The following KIRREL3 variants were observed in gnomAD, a reference collection of about 807,000 sequenced individuals.
The protein encoded by KIRREL3 is kin of IRRE-like protein 3.
In KIRREL3, 36 loss-of-function variants were observed where a neutral mutation model predicts 89.7. That is an observed-to-expected ratio of 0.40 (90% confidence interval 0.31 to 0.53). The LOEUF (loss-of-function observed/expected upper bound fraction) is 0.53. KIRREL3 is among the 20% of genes least tolerant of loss of function. The pLI, the probability that KIRREL3 is intolerant of heterozygous loss-of-function variation, is 0.49. For synonymous variants in KIRREL3, 445 were observed against 441.4 expected, an observed-to-expected ratio of 1.01 and a Z score of -0.10; for missense variants, 864 against 1,056.6, an observed-to-expected ratio of 0.82 and a Z score of 2.53.
At chr11:126,473,959 A>G (rs1381518485) in intron 4 of KIRREL3, among the ~76,000 whole-genome samples, 2 of 104,986 alleles carry the variant, frequency 1.9e-5, no homozygotes, top group East Asian at 2.5e-4. Flanking sequence ...ATGCCCGGCT[A>G]ATTTTTTTTT....
chr11:126,812,732 CT>C lies in KIRREL3; in HGVS notation c.55+187722del, dbSNP rs1951431304. Among the ~76,000 whole-genome samples the C allele has an allele frequency of 6.6e-6, 1 of 152,228 alleles. No individual in the cohort carries two copies. Among genetic ancestry groups the C allele is most frequent in the Non-Finnish European group, 1.5e-5 (1 of 68,046 alleles). On this transcript the variant is annotated intron_variant, in intron 1 of 16. Coordinates refer to ENST00000525144, the MANE Select transcript of KIRREL3 (RefSeq NM_032531.4). This position sits in a 1 kb window ranked among gnomAD's most constrained non-coding sequence, Gnocchi z 5.2. ...TGTTGGGATGAGTGGCTCTGTCACT[CT>C]TTCACTGAGACCAAGGCTCAGGCAA...
rs537166439 is a variant in KIRREL3 at position 126,490,882 on chromosome 11, G to T, written c.434-17416C>A. ...CCACTGCTTCCTTCTGGAGTGCAAG[G>T]TCAGGCAGGGATGCTCATTTGCTCT... is the stretch of plus-strand genomic sequence containing the variant. On this transcript the variant is annotated intron_variant, in intron 4 of 16. Coordinates refer to ENST00000525144, the MANE Select transcript of KIRREL3 (RefSeq NM_032531.4). The surrounding 1 kb of genome is among the most constrained non-coding windows in gnomAD (Gnocchi z 4.2). 9.2e-5 allele frequency among the ~76,000 whole-genome samples: 14 copies of T among 152,280 alleles called. No individual in the cohort carries two copies. Among genetic ancestry groups the T allele is most frequent in the Middle Eastern group, 3.4e-3 (1 of 294 alleles).
rs1947704203 is a variant in KIRREL3 at position 126,710,223 on chromosome 11, A to C, written c.56-147311T>G. ...GTCCACAGGCAGCAGGGCCCTGACC[A>C]ACAGGTGGCTTCTCGGAGCAGTGCC... On this transcript the variant is annotated intron_variant, in intron 1 of 16. Coordinates refer to ENST00000525144, the MANE Select transcript of KIRREL3 (RefSeq NM_032531.4). This position sits in a 1 kb window ranked among gnomAD's most constrained non-coding sequence, Gnocchi z 4.2. Among the ~76,000 whole-genome samples the C allele has an allele frequency of 6.6e-6, 1 of 152,160 alleles. No homozygotes were observed. Among genetic ancestry groups the C allele is most frequent in the African/African-American group, 2.4e-5 (1 of 41,464 alleles).
upstream of KIRREL3, chr11:127,002,904 A>T (rs368023438): frequency 6.6e-6 from 1 of 152,074 alleles, no homozygotes; most frequent in Non-Finnish European, 1.5e-5. Flanking sequence ...TGCACTCCAC[A>T]CTCGCACTGA....
chr11:126,836,242 T>C (rs926331159), intron 1 of KIRREL3, among the ~76,000 whole-genome samples: 1 of 152,230 alleles, frequency 6.6e-6, no homozygotes, highest in Non-Finnish European at 1.5e-5. Flanking sequence ...GCAGTTGATG[T>C]CAGAAGTAAT....
rs1282167098 is a variant in KIRREL3, at chr11:126,978,340, C to G, written c.55+22115G>C. Among the ~76,000 whole-genome samples, 1 of 152,162 alleles carries G rather than the reference C, an allele frequency of 6.6e-6. No homozygotes were observed. The highest frequency in any genetic ancestry group is 1.5e-5 in the Non-Finnish European group (1 of 68,044). On this transcript the variant is annotated intron_variant, in intron 1 of 16. Coordinates refer to ENST00000525144, the MANE Select transcript of KIRREL3 (RefSeq NM_032531.4). This position sits in a 1 kb window ranked among gnomAD's most constrained non-coding sequence, Gnocchi z 4.2. ...TCTTCACCTTCCCTTCAAACTTTAG[C>G]CAATTAGGTTTCCTCCATTCTTATG...
intron 1 of KIRREL3, among the ~76,000 whole-genome samples, chr11:126,600,703 T>A (rs1007015650): frequency 7.2e-5 from 11 of 152,208 alleles, no homozygotes; most frequent in African/African-American, 1.9e-4. Context: ...ATGAGATGAT[T>A]CCTGGTTTCT....
In KIRREL3 at chr11:126,761,213, C is replaced by T. The variant is rs1451270252; in HGVS notation, c.56-198301G>A. ...GGAAGATATGGTGTTGGCAGGGACT[C>T]GGGACCCTGCAAGACCCAGTGGGAA... is the stretch of plus-strand genomic sequence containing the variant. On this transcript the variant is annotated intron_variant, in intron 1 of 16. Transcript: ENST00000525144. This position sits in a 1 kb window ranked among gnomAD's most constrained non-coding sequence, Gnocchi z 4.4. Among the ~76,000 whole-genome samples the T allele has an allele frequency of 2.0e-5, 3 of 152,188 alleles. No homozygotes were observed. The highest frequency in any genetic ancestry group is 4.8e-5 in the African/African-American group (2 of 41,448).
At chr11:126,446,353 T>A (rs908223455) in intron 9 of KIRREL3, among the ~76,000 whole-genome samples, 2 of 151,962 alleles carry the variant, frequency 1.3e-5, no homozygotes, top group Non-Finnish European at 2.9e-5. Context: ...TCTTCTTTTT[T>A]TTCCCCAAGG....
Position 126,440,502 on chromosome 11 carries a change from C to A in KIRREL3, c.1300G>T (p.Glu434Ter). ...ATGAAGCACTTGATCTGGCCCTTCTCGCCGTGGAGGGCGTGCTGGGTCTGG... is the reference window on the plus strand; with the variant it reads ...ATGAAGCACTTGATCTGGCCCTTCTAGCCGTGGAGGGCGTGCTGGGTCTGG... ...STQTQHALHG[E>*]KGQIKCFIRS... The change falls in exon 11 of 17, where the codon GAG becomes TAG. Residue 434 changes from glutamate (E) to a stop codon, truncating the protein, a stop_gained. Coordinates refer to ENST00000525144, the MANE Select transcript of KIRREL3 (RefSeq NM_032531.4). LOFTEE classifies it high-confidence loss of function. 6.2e-7 allele frequency: 1 copy of A among 1,601,958 alleles called. No homozygotes were observed. The highest frequency in any genetic ancestry group is 8.5e-7 in the Non-Finnish European group (1 of 1,174,830).
At position 126,449,511 on chromosome 11, in the gene KIRREL3, C is replaced by T. The variant is rs1377639056; in HGVS notation, c.849-354G>A. On this transcript the variant is annotated intron_variant, in intron 7 of 16. Coordinates refer to ENST00000525144, the MANE Select transcript of KIRREL3 (RefSeq NM_032531.4). ...TCCAACTGTCAGTGGGCAGACAGCT[C>T]GCTGTCCTGCTCTGAGCTGGATCAT... 2.6e-5 allele frequency among the ~76,000 whole-genome samples: 4 copies of T among 152,318 alleles called. No homozygotes were observed. The South Asian group carries it at 6.2e-4, about 24-fold the overall frequency.
chr11:126,726,381 C>G (rs1024073674), intron 1 of KIRREL3, among the ~76,000 whole-genome samples: 2 of 150,320 alleles, frequency 1.3e-5, no homozygotes, highest in African/African-American at 4.9e-5. Context: ...TCCTTTTTTT[C>G]TTTTTAGATG....
chr11:126,928,517 C>T (rs1947811219), intron 1 of KIRREL3, among the ~76,000 whole-genome samples: 1 of 151,750 alleles, frequency 6.6e-6, no homozygotes, highest in Non-Finnish European at 1.5e-5. Context: ...GAAAAGAGGC[C>T]CTGCAGGCGG....
Position 126,523,881 on chromosome 11 carries a change from A to T in KIRREL3, c.284-2417T>A, listed in dbSNP as rs1290067540. The stretch of plus-strand genomic sequence containing the variant: ...TCAGCAGCAGGATTTTGCTCTCACG[A>T]GCTGCTGAAAACATCAGTGATGGGT... On this transcript the variant is annotated intron_variant, in intron 3 of 16. Coordinates refer to ENST00000525144, the MANE Select transcript of KIRREL3 (RefSeq NM_032531.4). The surrounding 1 kb of genome is among the most constrained non-coding windows in gnomAD (Gnocchi z 4.9). 6.6e-6 allele frequency among the ~76,000 whole-genome samples: 1 copy of T among 152,128 alleles called. No homozygotes were observed. The highest frequency in any genetic ancestry group is 1.5e-5 in the Non-Finnish European group (1 of 68,016).
In KIRREL3 at chr11:126,651,692, T is replaced by C. The variant is rs1944912490; in HGVS notation, c.56-88780A>G. ...TTAATTCCATATGAAACCTCACAATTCATTCATGTGCCATTTGTTTTCATT... is the reference window on the plus strand; with the variant it reads ...TTAATTCCATATGAAACCTCACAATCCATTCATGTGCCATTTGTTTTCATT... On this transcript the variant is annotated intron_variant, in intron 1 of 16. Coordinates refer to ENST00000525144, the MANE Select transcript of KIRREL3 (RefSeq NM_032531.4). This position sits in a 1 kb window ranked among gnomAD's most constrained non-coding sequence, Gnocchi z 4.6. Among the ~76,000 whole-genome samples, 1 of 152,252 alleles carries C rather than the reference T, an allele frequency of 6.6e-6. No homozygotes were observed. Among genetic ancestry groups the C allele is most frequent in the East Asian group, 1.9e-4 (1 of 5,208 alleles).
intron 1 of KIRREL3, among the ~76,000 whole-genome samples, chr11:126,810,990 C>G (rs1401301122): frequency 1.3e-5 from 2 of 152,050 alleles, no homozygotes; most frequent in African/African-American, 4.8e-5. Flanking sequence ...CGTTAATGAG[C>G]CTTGCAGCCG....
chr11:126,911,982 C>CAAAAAAA (rs34548052), intron 1 of KIRREL3, among the ~76,000 whole-genome samples: 2 of 91,724 alleles, frequency 2.2e-5, no homozygotes, highest in Non-Finnish European at 4.0e-5. Context: ...GACTCTGTCT[C>CAAAAAAA]AAAAAAAAAA....
Position 126,860,492 on chromosome 11 carries a change from AAGG to A in KIRREL3, c.55+139960_55+139962del, listed in dbSNP as rs200313133. Among the ~76,000 whole-genome samples the A allele has an allele frequency of 9.9e-5, 15 of 151,784 alleles. No homozygotes were observed. Among genetic ancestry groups the A allele is most frequent in the East Asian group, 5.8e-4 (3 of 5,170 alleles). On this transcript the variant is annotated intron_variant, in intron 1 of 16. Transcript: ENST00000525144. The surrounding 1 kb of genome is among the most constrained non-coding windows in gnomAD (Gnocchi z 4.6). ...CCAGGCAGAAGGAAGAGTTTGAGCA[AAGG>A]AGGAGAAGTGCATGACCTTCTCAAG...
intron 1 of KIRREL3, among the ~76,000 whole-genome samples, chr11:126,637,971 A>G (rs375939726): frequency 4.5e-4 from 69 of 152,346 alleles, no homozygotes; most frequent in Middle Eastern, 6.8e-3. Context: ...AGCTCCTCTG[A>G]GAGGGAAATG....
Sources: gnomAD v4.1 joint callset for allele counts (sites outside exome capture counted in the v4.1 genomes callset) on GRCh38, gnomAD v4.1.1 for gene constraint, Gnocchi (gnomAD v3.1) non-coding constraint, MANE v1.5 for transcripts, NCBI Gene and HGNC (gene_info 2026-07-23, HGNC 2026-07-21) for gene names.